The following ZNF782 variants were observed in gnomAD, a reference collection of about 807,000 sequenced individuals.
The protein encoded by ZNF782 is zinc finger protein 782.
In ZNF782, 12 loss-of-function variants were observed where a neutral mutation model predicts 13.0. The observed-to-expected ratio is 0.92, with a 90% CI of 0.59 to 1.50. The LOEUF is 1.50. Among genes scored for constraint, ZNF782 ranks in the 40% most tolerant of loss-of-function variants. The probability of loss-of-function intolerance (pLI) is 0.00; values close to 1 mark genes in which losing one functional copy is unlikely to be tolerated. For missense variants in ZNF782, 770 were observed against 822.9 expected (o/e 0.94, Z 0.79); for synonymous variants, 284 against 283.0 (o/e 1.00, Z -0.04).
At chr9:96,877,201 T>C (rs929856308), upstream of ZNF782, among the ~76,000 whole-genome samples, 6 of 152,134 alleles carry the variant, frequency 3.9e-5, no homozygotes, top group Non-Finnish European at 7.3e-5. Flanking sequence ...CGTGAGATGA[T>C]AAATTTAAAT....
chr9:96,871,754 A>C (rs1851831510), intron 1 of ZNF782, among the ~76,000 whole-genome samples: 1 of 152,200 alleles, frequency 6.6e-6, no homozygotes. Flanking sequence ...AAATATAACA[A>C]ACCTTTCAGT....
intron 1 of ZNF782, among the ~76,000 whole-genome samples, chr9:96,862,324 C>A (rs530652586): frequency 5.0e-4 from 76 of 152,280 alleles, no homozygotes; most frequent in Non-Finnish European, 5.9e-4. Flanking sequence ...AACAGGTTGA[C>A]TACTGTCAAT....
In ZNF782 at chr9:96,843,007, C is replaced by T. The variant is rs114408641; in HGVS notation, c.142+1883G>A. 4.2e-3 allele frequency among the ~76,000 whole-genome samples: 640 copies of T among 152,168 alleles called. 5 individuals carry two copies. Among genetic ancestry groups the T allele is most frequent in the African/African-American group, 0.015 (614 of 41,556 alleles). The stretch of plus-strand genomic sequence containing the variant: ...AGGATCACTATGAGATATTGCTATA[C>T]ACCTGTTCAACGACTAATACATAAA... On this transcript the variant is annotated intron_variant, in intron 4 of 5. Transcript: ENST00000481138.
At chr9:96,898,735 T>C in the ZNF782 span, among the ~76,000 whole-genome samples, 1 of 145,618 alleles carries the variant, frequency 6.9e-6, no homozygotes, top group East Asian at 2.5e-4. Context: ...TTAGTAGAGA[T>C]GGGGTTTTAC....
the ZNF782 span, among the ~76,000 whole-genome samples, chr9:96,917,450 G>A: frequency 6.7e-6 from 1 of 149,024 alleles, no homozygotes; most frequent in African/African-American, 2.5e-5. Flanking sequence ...TTTTTTTTTT[G>A]AGACAGAGTC....
At chr9:96,864,116 G>A (rs575281191) in intron 1 of ZNF782, among the ~76,000 whole-genome samples, 222 of 146,198 alleles carry the variant, frequency 1.5e-3, no homozygotes, top group Admixed American at 2.3e-3. Context: ...TATATAAAAC[G>A]TATATATATA....
At chr9:96,910,001 C>A in the ZNF782 span, 10 of 514,902 alleles carry the variant, frequency 1.9e-5, 1 homozygote, top group Non-Finnish European at 3.4e-5. Flanking sequence ...CAGACTCTGG[C>A]AGCTTTATCG....
At chr9:96,845,324 C>T (rs1203159684) in intron 3 of ZNF782, among the ~76,000 whole-genome samples, 3 of 152,108 alleles carry the variant, frequency 2.0e-5, no homozygotes, top group Non-Finnish European at 4.4e-5. Context: ...TCCCATGGTG[C>T]GATCTCGGCT....
the ZNF782 span, among the ~76,000 whole-genome samples, chr9:96,918,292 T>C: frequency 1.1e-3 from 168 of 147,570 alleles, 1 homozygote; most frequent in African/African-American, 4.0e-3. Flanking sequence ...TCCCAGCTAC[T>C]TGGGAAGCTT....
chr9:96,925,793 C>A, the ZNF782 span, among the ~76,000 whole-genome samples: 1 of 149,548 alleles, frequency 6.7e-6, no homozygotes, highest in Non-Finnish European at 1.5e-5. Context: ...CTATGACGGC[C>A]TAGGGCCTCA....
the ZNF782 span, chr9:96,889,521 TC>T: frequency 6.6e-6 from 1 of 152,244 alleles, no homozygotes; most frequent in African/African-American, 2.4e-5. Context: ...TGCCTCAGCC[TC>T]CCGAGTAGCT....
the ZNF782 span, among the ~76,000 whole-genome samples, chr9:96,886,127 C>T: frequency 6.6e-6 from 1 of 151,044 alleles, no homozygotes; most frequent in Admixed American, 6.6e-5. Context: ...GGATTATAGG[C>T]ATCAGCTATC....
intron 1 of ZNF782, among the ~76,000 whole-genome samples, chr9:96,872,418 C>T (rs1851839018): frequency 6.6e-6 from 1 of 151,872 alleles, no homozygotes; most frequent in Admixed American, 6.6e-5. Context: ...GTAATCCCAG[C>T]TACTTTGGAG....
At chr9:96,931,917 G>T in the ZNF782 span, 2 of 1,612,074 alleles carry the variant, frequency 1.2e-6, no homozygotes, top group Non-Finnish European at 1.7e-6. Flanking sequence ...CAGGATGGCC[G>T]CGGCCCAAGT....
chr9:96,875,355 G>A (rs1851880294), intron 1 of ZNF782: 1 of 401,378 alleles, frequency 2.5e-6, no homozygotes, highest in Admixed American at 2.8e-5. Flanking sequence ...TTGCTTTACA[G>A]CCAAGTGTAT....
the ZNF782 span, among the ~76,000 whole-genome samples, chr9:96,903,851 C>T: frequency 1.3e-5 from 2 of 151,634 alleles, 1 homozygote; most frequent in African/African-American, 4.9e-5. Context: ...CATGAGCCTC[C>T]GCACCCGGCC....
chr9:96,843,189 C>T (rs998820120), intron 4 of ZNF782, among the ~76,000 whole-genome samples: 4 of 152,120 alleles, frequency 2.6e-5, no homozygotes, highest in African/African-American at 7.2e-5. Flanking sequence ...CAATCACACT[C>T]CATGGCACTT....
At chr9:96,906,111 A>G in the ZNF782 span, among the ~76,000 whole-genome samples, 1 of 152,276 alleles carries the variant, frequency 6.6e-6, no homozygotes, top group African/African-American at 2.4e-5. Flanking sequence ...TCAAAAAATT[A>G]AAGAGAGAAT....
chr9:96,911,827 AC>A, the ZNF782 span, among the ~76,000 whole-genome samples: 1 of 151,928 alleles, frequency 6.6e-6, no homozygotes, highest in African/African-American at 2.4e-5. Flanking sequence ...GCCCTGAAAA[AC>A]AATCTTATTC....
Sources: gnomAD v4.1 joint callset for allele counts (sites outside exome capture counted in the v4.1 genomes callset) on GRCh38, gnomAD v4.1.1 for gene constraint, MANE v1.5 for transcripts, NCBI Gene and HGNC (gene_info 2026-07-23, HGNC 2026-07-21) for gene names.